The following PARG variants were observed in gnomAD, a reference collection of about 807,000 sequenced individuals.
The protein encoded by PARG is mitochondrial poly(ADP-ribose) glycohydrolase.
PARG carries 35 observed loss-of-function variants against 113.0 expected under a neutral mutation model. The observed-to-expected ratio is 0.31, with a 90% CI of 0.24 to 0.41. The LOEUF (loss-of-function observed/expected upper bound fraction) is 0.41, where lower values mean the gene tolerates loss of function less well. PARG is among the 10% of genes least tolerant of loss of function. PARG has a pLI of 1.00. For synonymous variants in PARG, 330 were observed against 409.9 expected (o/e 0.81, Z 2.36); for missense variants, 797 against 1,169.4 (o/e 0.68, Z 4.64).
At chr10:49,920,628 A>G (rs868952249) in intron 6 of PARG, among the ~76,000 whole-genome samples, 8 of 147,084 alleles carry the variant, frequency 5.4e-5, no homozygotes, top group South Asian at 2.1e-4. Flanking sequence ...ATATATATAC[A>G]TGTATATATA....
At chr10:49,844,420 C>G (rs1021207842) in intron 13 of PARG, among the ~76,000 whole-genome samples, 1 of 151,974 alleles carries the variant, frequency 6.6e-6, no homozygotes, top group Non-Finnish European at 1.5e-5. Flanking sequence ...GTCAGAAGTT[C>G]GAGACCAGCT....
chr10:49,927,099 G>C (rs1373567715), intron 4 of PARG, among the ~76,000 whole-genome samples: 15 of 152,018 alleles, frequency 9.9e-5, no homozygotes, highest in African/African-American at 3.6e-4. Flanking sequence ...ACAAGGTTAA[G>C]AGATCAAGAC....
intron 7 of PARG, among the ~76,000 whole-genome samples, chr10:49,903,588 A>C (rs1848439556): frequency 1.3e-5 from 2 of 152,322 alleles, no homozygotes; most frequent in South Asian, 4.2e-4. Flanking sequence ...TGCCTAATGT[A>C]ACAAGTACAT....
chr10:49,916,858 T>A (rs1554847771), intron 6 of PARG, among the ~76,000 whole-genome samples: 2 of 152,172 alleles, frequency 1.3e-5, no homozygotes, highest in African/African-American at 4.8e-5. Flanking sequence ...CACTCAAAAT[T>A]TTTTTACTGA....
At chr10:49,926,745 G>A (rs1838186372) in intron 4 of PARG, among the ~76,000 whole-genome samples, 2 of 152,024 alleles carry the variant, frequency 1.3e-5, no homozygotes, top group Admixed American at 6.6e-5. Flanking sequence ...CTGCCTTTTG[G>A]GACCAAACCA....
At chr10:49,846,227 A>G (rs1169060871) in intron 13 of PARG, among the ~76,000 whole-genome samples, 6 of 151,690 alleles carry the variant, frequency 4.0e-5, no homozygotes, top group Admixed American at 2.6e-4. Context: ...AGCAAGATAC[A>G]GAAGTGTGTA....
chr10:49,922,286 AGAG>A (rs1554849461), intron 6 of PARG, 47 bp downstream of exon 6: 1 of 1,553,030 alleles, frequency 6.4e-7, no homozygotes, highest in South Asian at 1.2e-5. Flanking sequence ...AGTCTTTGAA[AGAG>A]GAGACACAGG....
chr10:49,829,240 T>TA (rs1168657604), intron 16 of PARG, among the ~76,000 whole-genome samples: 55 of 144,256 alleles, frequency 3.8e-4, no homozygotes, highest in South Asian at 8.8e-4. Context: ...CGTCTCAAAA[T>TA]AAAAAAAAAA....
intron 7 of PARG, among the ~76,000 whole-genome samples, chr10:49,889,681 C>A (rs1238772437): frequency 1.3e-5 from 2 of 152,174 alleles, no homozygotes; most frequent in Non-Finnish European, 2.9e-5. Flanking sequence ...AGATATTAAA[C>A]CTTAAGTGTC....
chr10:49,893,701 T>C (rs1170631806), intron 7 of PARG, among the ~76,000 whole-genome samples: 2 of 151,372 alleles, frequency 1.3e-5, no homozygotes, highest in East Asian at 3.9e-4. Flanking sequence ...TTTTTTTTTT[T>C]CCTTTTTTTT....
chr10:49,826,324 G>A (rs1305219838), intron 16 of PARG, among the ~76,000 whole-genome samples: 1 of 152,190 alleles, frequency 6.6e-6, no homozygotes, highest in African/African-American at 2.4e-5. Flanking sequence ...GTAGACAAAC[G>A]AGGTGACCTG....
intron 7 of PARG, among the ~76,000 whole-genome samples, chr10:49,893,922 TCTC>T (rs1847941702): frequency 6.6e-6 from 1 of 151,886 alleles, no homozygotes; most frequent in Non-Finnish European, 1.5e-5. Context: ...ATGGTCTTGA[TCTC>T]CTGACCTCGT....
chr10:49,829,624 T>A (rs1844556737), intron 16 of PARG, among the ~76,000 whole-genome samples: 1 of 151,816 alleles, frequency 6.6e-6, no homozygotes, highest in Non-Finnish European at 1.5e-5. Context: ...TGAAACCCCA[T>A]CTCTACTAAA....
At chr10:49,836,959 T>C (rs1588878509) in intron 15 of PARG, among the ~76,000 whole-genome samples, 1 of 152,196 alleles carries the variant, frequency 6.6e-6, no homozygotes, top group Admixed American at 6.5e-5. Context: ...CACAAGTGAT[T>C]TGTTTCTTCT....
intron 6 of PARG, among the ~76,000 whole-genome samples, chr10:49,917,051 G>C (rs768087023): frequency 3.5e-4 from 53 of 152,008 alleles, no homozygotes; most frequent in South Asian, 6.2e-4. Flanking sequence ...CTTGGAATCA[G>C]GGGACATCCA....
chr10:49,845,667 T>C lies in PARG; in HGVS notation c.2354-2035A>G, dbSNP rs535251003. Among the ~76,000 whole-genome samples, 902 of 151,824 alleles carry C rather than the reference T, an allele frequency of 5.9e-3. 8 individuals are homozygous for C. The highest frequency in any genetic ancestry group is 0.021 in the African/African-American group (868 of 41,418). The stretch of plus-strand genomic sequence containing the variant: ...ATCCCAGCACTTTGGGAGGCCGAGG[T>C]GGGGAGATCACTCGAGGTCAGTAGT... On this transcript the variant is annotated intron_variant, in intron 13 of 17. Transcript: ENST00000616448.
At chr10:49,858,963 T>C (rs1382834834) in intron 12 of PARG, among the ~76,000 whole-genome samples, 3 of 152,078 alleles carry the variant, frequency 2.0e-5, no homozygotes, top group Admixed American at 6.6e-5. Context: ...GTAATTTAGA[T>C]GGCAGTCAGA....
At chr10:49,896,438 C>T (rs782445974) in intron 7 of PARG, among the ~76,000 whole-genome samples, 6 of 152,146 alleles carry the variant, frequency 3.9e-5, no homozygotes, top group Non-Finnish European at 5.9e-5. Context: ...GTGCATGCTA[C>T]CACACCCAGC....
chr10:49,907,144 A>T (rs4838572), intron 7 of PARG, among the ~76,000 whole-genome samples: 1 of 152,200 alleles, frequency 6.6e-6, no homozygotes, highest in African/African-American at 2.4e-5. Context: ...ATTATGCTGG[A>T]AATGGCCCTT....
Sources: gnomAD v4.1 joint callset for allele counts (sites outside exome capture counted in the v4.1 genomes callset) on GRCh38, gnomAD v4.1.1 for gene constraint, MANE v1.5 for transcripts, NCBI Gene and HGNC (gene_info 2026-07-23, HGNC 2026-07-21) for gene names.